The following PHACTR1 variants were observed in gnomAD, a reference collection of about 807,000 sequenced individuals.
PHACTR1 encodes the protein RPEL repeat containing 1.
PHACTR1 carries 16 observed loss-of-function variants against 69.2 expected under a neutral mutation model. The ratio of observed to expected loss-of-function variants is 0.23; its 90% confidence interval spans 0.16 to 0.35. The LOEUF (loss-of-function observed/expected upper bound fraction) is 0.35. Among genes scored for constraint, PHACTR1 ranks in the 10% least tolerant of loss-of-function variants. The pLI, the probability that PHACTR1 is intolerant of heterozygous loss-of-function variation, is 1.00. For missense variants in PHACTR1, 510 were observed against 734.7 expected (o/e 0.69, Z 3.54); for synonymous variants, 312 against 284.5 (o/e 1.10, Z -0.97).
chr6:13,131,217 ACACACACACACACACAC>A (rs1820406827), intron 5 of PHACTR1, among the ~76,000 whole-genome samples: 1 of 31,738 alleles, frequency 3.2e-5, no homozygotes, highest in Non-Finnish European at 1.0e-4. Context: ...ATACACACAC[ACACACACACACACACAC>A]ACACACACAC....
At position 12,768,971 on chromosome 6, in the gene PHACTR1, A is replaced by G. The variant is rs150296841; in HGVS notation, c.250+19181A>G. ...TGAAATAAACCAGGCACAGAAGACA[A>G]GTATCAACATGATCTCACTCATATA... On this transcript the variant is annotated intron_variant, in intron 4 of 14. Transcript: ENST00000332995. Among the ~76,000 whole-genome samples the G allele has an allele frequency of 1.3e-3, 194 of 152,266 alleles. 1 individual carries two copies. The highest frequency in any genetic ancestry group is 4.5e-3 in the African/African-American group (189 of 41,544).
chr6:12,884,097 C>T (rs1477145977), intron 4 of PHACTR1, among the ~76,000 whole-genome samples: 1 of 151,856 alleles, frequency 6.6e-6, no homozygotes, highest in South Asian at 2.1e-4. Context: ...AATATACACA[C>T]ATAACCACAC....
At chr6:13,161,217 A>G (rs1007323213) in intron 6 of PHACTR1, among the ~76,000 whole-genome samples, 4 of 152,134 alleles carry the variant, frequency 2.6e-5, no homozygotes, top group African/African-American at 9.7e-5. Flanking sequence ...GGGCTCAACA[A>G]TCTTCCCACC....
chr6:12,864,744 T>C (rs1357603222), intron 4 of PHACTR1, among the ~76,000 whole-genome samples: 2 of 151,578 alleles, frequency 1.3e-5, no homozygotes, highest in Non-Finnish European at 2.9e-5. Context: ...TAAGAAATAA[T>C]TCCTTCAGTT....
chr6:13,062,643 T>C (rs1015849810), intron 5 of PHACTR1, among the ~76,000 whole-genome samples: 1 of 152,182 alleles, frequency 6.6e-6, no homozygotes, highest in East Asian at 1.9e-4. Context: ...GATGGTTGCC[T>C]TCCATGCTAG....
chr6:12,767,243 G>C (rs988067220), intron 4 of PHACTR1, among the ~76,000 whole-genome samples: 2 of 152,100 alleles, frequency 1.3e-5, no homozygotes, highest in Non-Finnish European at 2.9e-5. Context: ...CCCACAGAAG[G>C]CTTGCCAGCT....
At chr6:12,873,861 C>G (rs922092574) in intron 4 of PHACTR1, among the ~76,000 whole-genome samples, 1 of 152,334 alleles carries the variant, frequency 6.6e-6, no homozygotes, top group Non-Finnish European at 1.5e-5. Context: ...AATGCAGCCT[C>G]TACTTGGTTT....
intron 8 of PHACTR1, among the ~76,000 whole-genome samples, chr6:13,211,568 G>T (rs1766849704): frequency 6.6e-6 from 1 of 152,142 alleles, no homozygotes; most frequent in Admixed American, 6.5e-5. Context: ...CTTTAAAGAA[G>T]TCTTTCCCTT....
chr6:13,222,278 G>A (rs748513226), intron 8 of PHACTR1, among the ~76,000 whole-genome samples: 1 of 152,190 alleles, frequency 6.6e-6, no homozygotes, highest in African/African-American at 2.4e-5. Context: ...AGGTACTCTG[G>A]AAGATGTGAC....
chr6:13,158,824 GTTC>G (rs1178538508), intron 5 of PHACTR1, among the ~76,000 whole-genome samples: 2 of 152,228 alleles, frequency 1.3e-5, no homozygotes, highest in African/African-American at 2.4e-5. Flanking sequence ...TTTCTTTCTA[GTTC>G]TTCTTCATAT....
chr6:13,116,527 A>T (rs1817846943), intron 5 of PHACTR1, among the ~76,000 whole-genome samples: 1 of 152,160 alleles, frequency 6.6e-6, no homozygotes, highest in South Asian at 2.1e-4. Flanking sequence ...AACAGTGTTT[A>T]CTTTTAGGGA....
At chr6:12,997,475 T>C (rs1797567004) in intron 4 of PHACTR1, among the ~76,000 whole-genome samples, 1 of 150,842 alleles carries the variant, frequency 6.6e-6, no homozygotes, top group Admixed American at 6.6e-5. Context: ...TTTTTTCTAG[T>C]TTTATTCTAT....
intron 3 of PHACTR1, among the ~76,000 whole-genome samples, chr6:12,727,364 T>C (rs1034598897): frequency 2.6e-5 from 4 of 152,188 alleles, no homozygotes; most frequent in South Asian, 4.1e-4. Flanking sequence ...CAATTCTCCG[T>C]AGGCAAAGTC....
chr6:13,092,936 A>G (rs1317459188), intron 5 of PHACTR1, among the ~76,000 whole-genome samples: 1 of 152,224 alleles, frequency 6.6e-6, no homozygotes, highest in Non-Finnish European at 1.5e-5. Flanking sequence ...GAAAGTTTTT[A>G]TAATAGAAAA....
At chr6:13,266,101 G>C (rs1448114282) in intron 10 of PHACTR1, among the ~76,000 whole-genome samples, 3 of 151,844 alleles carry the variant, frequency 2.0e-5, no homozygotes, top group Non-Finnish European at 4.4e-5. Context: ...AAACACGCTG[G>C]TTCTCTTGCA....
chr6:13,051,968 T>A (rs1806020405), intron 4 of PHACTR1, among the ~76,000 whole-genome samples: 1 of 152,194 alleles, frequency 6.6e-6, no homozygotes, highest in Non-Finnish European at 1.5e-5. Context: ...TTGCAGCATG[T>A]CCAAATCATC....
At chr6:12,893,365 A>G (rs1443601689) in intron 4 of PHACTR1, among the ~76,000 whole-genome samples, 2 of 152,196 alleles carry the variant, frequency 1.3e-5, no homozygotes, top group Non-Finnish European at 2.9e-5. Flanking sequence ...CAAGATTTTT[A>G]TATTTATATC....
chr6:12,926,466 T>C (rs1022367826), intron 4 of PHACTR1, among the ~76,000 whole-genome samples: 3 of 152,224 alleles, frequency 2.0e-5, no homozygotes, highest in African/African-American at 7.2e-5. Flanking sequence ...TAGATCCATA[T>C]CTATGTTTGG....
intron 4 of PHACTR1, among the ~76,000 whole-genome samples, chr6:13,006,955 G>A (rs905295203): frequency 2.0e-5 from 3 of 152,224 alleles, no homozygotes; most frequent in Non-Finnish European, 2.9e-5. Context: ...TGTGCCTGAA[G>A]ACAGCAAGTC....
Sources: allele counts gnomAD v4.1 joint callset (sites outside exome capture counted in the v4.1 genomes callset), GRCh38; gene constraint gnomAD v4.1.1; transcripts MANE v1.5; gene names NCBI Gene and HGNC (gene_info 2026-07-23, HGNC 2026-07-21).